Variants in RPS6KC1 observed in about 807,000 individuals in gnomAD.
RPS6KC1 encodes ribosomal protein S6 kinase C1.
A neutral mutation model predicts 103.8 loss-of-function variants in RPS6KC1; 54 were observed. The ratio of observed to expected loss-of-function variants is 0.52; its 90% CI spans 0.42 to 0.65. The LOEUF is 0.65. Ranked by LOEUF, RPS6KC1 falls within the 30% of genes least tolerant of loss-of-function variation. The probability of loss-of-function intolerance (pLI) is 0.00; values close to 1 mark genes in which losing one functional copy is unlikely to be tolerated. For missense variants in RPS6KC1, 1,151 were observed against 1,253.8 expected, an observed-to-expected ratio of 0.92 and a Z score of 1.24; for synonymous variants, 439 against 438.7, an observed-to-expected ratio of 1.00 and a Z score of -0.01.
At chr1:213,631,374 A>G in the RPS6KC1 span, among the ~76,000 whole-genome samples, 1 of 82,034 alleles carries the variant, frequency 1.2e-5, no homozygotes, top group African/African-American at 5.8e-5. Flanking sequence ...GGCTCTTTCT[A>G]TGCCAAAAAA....
At chr1:213,355,284 A>C in the RPS6KC1 span, among the ~76,000 whole-genome samples, 1 of 151,902 alleles carries the variant, frequency 6.6e-6, no homozygotes, top group Non-Finnish European at 1.5e-5. Flanking sequence ...GAGTGGGTGA[A>C]GGGGGCTGGT....
chr1:213,158,353 C>T (rs1225171279), intron 6 of RPS6KC1, among the ~76,000 whole-genome samples: 1 of 152,118 alleles, frequency 6.6e-6, no homozygotes, highest in African/African-American at 2.4e-5. Flanking sequence ...ATTCCAGCAC[C>T]CTTGAAACTA....
At chr1:213,755,953 G>T in the RPS6KC1 span, among the ~76,000 whole-genome samples, 1 of 152,110 alleles carries the variant, frequency 6.6e-6, no homozygotes, top group Admixed American at 6.6e-5. Context: ...GCAAACTTAG[G>T]CTTCCTCCCT....
chr1:213,629,689 T>A, the RPS6KC1 span, among the ~76,000 whole-genome samples: 1 of 152,240 alleles, frequency 6.6e-6, no homozygotes, highest in South Asian at 2.1e-4. Flanking sequence ...CGACGGTCTT[T>A]ACAATTTGGC....
chr1:213,227,799 C>T lies in RPS6KC1; in HGVS notation c.1045-2698C>T, dbSNP rs549576738. ...GCTTTGAATATGATTTCCCTTTCAG[C>T]CTTATCATTTCTGTGCTTTGCCTTT... On this transcript the variant is annotated intron_variant, in intron 8 of 14. Transcript: ENST00000366960. 2.0e-5 allele frequency among the ~76,000 whole-genome samples: 3 copies of T among 152,274 alleles called. No individual in the cohort carries two copies. The East Asian group carries it at 5.8e-4, about 29-fold the overall frequency.
At chr1:213,175,894 T>A (rs1015149163) in intron 7 of RPS6KC1, among the ~76,000 whole-genome samples, 15 of 152,194 alleles carry the variant, frequency 9.9e-5, no homozygotes, top group African/African-American at 3.6e-4. Context: ...TGAAAACACA[T>A]AATACATAAA....
At chr1:213,102,063 TGCATTTGAACTGAGA>T (rs762806119) in intron 3 of RPS6KC1, among the ~76,000 whole-genome samples, 2 of 152,194 alleles carry the variant, frequency 1.3e-5, no homozygotes, top group African/African-American at 2.4e-5. Context: ...GTTTAATTGT[TGCATTTGAACTGAGA>T]GCATTTGAAC....
the RPS6KC1 span, among the ~76,000 whole-genome samples, chr1:213,390,924 T>A: frequency 3.9e-5 from 6 of 151,980 alleles, no homozygotes; most frequent in Middle Eastern, 3.2e-3. Flanking sequence ...ATTCCATACT[T>A]CTCAAACAAC....
chr1:213,763,995 C>T, the RPS6KC1 span, among the ~76,000 whole-genome samples: 2 of 152,238 alleles, frequency 1.3e-5, no homozygotes, highest in African/African-American at 4.8e-5. Flanking sequence ...CATACGAATC[C>T]GTTATTGGCC....
the RPS6KC1 span, among the ~76,000 whole-genome samples, chr1:213,505,259 C>T: frequency 6.6e-6 from 1 of 152,176 alleles, no homozygotes; most frequent in Non-Finnish European, 1.5e-5. Flanking sequence ...ACCCAGACTA[C>T]CGTGGGCAGA....
the RPS6KC1 span, among the ~76,000 whole-genome samples, chr1:213,437,831 A>G: frequency 6.6e-6 from 1 of 151,760 alleles, no homozygotes; most frequent in Non-Finnish European, 1.5e-5. Context: ...AGCCTTTACA[A>G]TCTCCTAATA....
At chr1:213,179,921 A>G (rs909837887) in intron 8 of RPS6KC1, among the ~76,000 whole-genome samples, 42 of 152,298 alleles carry the variant, frequency 2.8e-4, no homozygotes, top group African/African-American at 9.6e-4. Flanking sequence ...TTAAATATAT[A>G]TAGAATGACA....
chr1:213,466,692 C>T, the RPS6KC1 span, among the ~76,000 whole-genome samples: 3 of 152,316 alleles, frequency 2.0e-5, no homozygotes, highest in Admixed American at 6.5e-5. Context: ...GACCTAGTGT[C>T]ACTCTTAATG....
At chr1:213,251,996 T>C (rs2094554174) in intron 12 of RPS6KC1, among the ~76,000 whole-genome samples, 1 of 152,242 alleles carries the variant, frequency 6.6e-6, no homozygotes, top group Non-Finnish European at 1.5e-5. Flanking sequence ...TATAGAATGG[T>C]AGTTTTCTGA....
intron 8 of RPS6KC1, among the ~76,000 whole-genome samples, chr1:213,192,301 A>G (rs996412510): frequency 6.6e-6 from 1 of 152,100 alleles, no homozygotes; most frequent in African/African-American, 2.4e-5. Context: ...TATTTTGTTG[A>G]GTATTTTTCC....
chr1:213,344,381 T>G, the RPS6KC1 span, among the ~76,000 whole-genome samples: 1 of 152,214 alleles, frequency 6.6e-6, no homozygotes, highest in Non-Finnish European at 1.5e-5. Flanking sequence ...AAGAAGAGAA[T>G]TTGGAAATAT....
At chr1:213,172,174 T>C (rs750699588) in intron 7 of RPS6KC1, among the ~76,000 whole-genome samples, 14 of 152,142 alleles carry the variant, frequency 9.2e-5, no homozygotes, top group Non-Finnish European at 2.1e-4. Context: ...ACATAAAATT[T>C]AAGAAGTACT....
intron 3 of RPS6KC1, among the ~76,000 whole-genome samples, chr1:213,088,242 G>C (rs958039970): frequency 2.0e-5 from 3 of 152,138 alleles, no homozygotes; most frequent in Non-Finnish European, 2.9e-5. Context: ...ACAGAGATCC[G>C]AATCCCAGCC....
the RPS6KC1 span, among the ~76,000 whole-genome samples, chr1:213,494,577 T>G: frequency 6.6e-6 from 1 of 151,972 alleles, no homozygotes; most frequent in African/African-American, 2.4e-5. Flanking sequence ...TCATATTGTT[T>G]TGAGAGACAA....
Sources: allele counts gnomAD v4.1 joint callset (sites outside exome capture counted in the v4.1 genomes callset), GRCh38; gene constraint gnomAD v4.1.1; transcripts MANE v1.5; gene names NCBI Gene and HGNC (gene_info 2026-07-23, HGNC 2026-07-21).